FAM83E: variants seen among roughly 807,000 people sequenced by gnomAD.
The protein encoded by FAM83E is protein FAM83E.
Under a neutral mutation model 34.3 loss-of-function variants are expected in FAM83E, and 29 were observed. The observed-to-expected ratio is 0.85, with a 90% CI of 0.63 to 1.15. The LOEUF (loss-of-function observed/expected upper bound fraction) is 1.15, where lower values mean the gene tolerates loss of function less well. FAM83E is among the 50% of genes most tolerant of loss of function. The pLI is 0.00. For missense variants in FAM83E, 697 were observed against 685.0 expected (o/e 1.02, Z -0.20); for synonymous variants, 312 against 311.6 (o/e 1.00, Z -0.01).
In FAM83E at chr19:48,613,298, A is replaced by G. The variant is rs368654; in HGVS notation, c.75T>C (p.Phe25=). The stretch of plus-strand genomic sequence containing the variant: ...CCAGCCGCTGGCCCTCGGAATATAG[A>G]AAGCCGGGGCTGGCCCCGGGCACCC... ...GPRVPGASPG[F]LYSEGQRLAL... The change falls in exon 3 of 7, where the codon TTT becomes TTC. Residue 25 remains phenylalanine, a synonymous_variant. Transcript: ENST00000263266. The G allele has an allele frequency of 0.74, 1,183,688 of 1,605,888 alleles. 442,360 individuals are homozygous for G. The highest frequency in any genetic ancestry group is 1 in the East Asian group (44,711 of 44,754).
At chr19:48,601,426 C>T (rs1973813788) in intron 6 of FAM83E, 57 bp from the exon 7 acceptor site, 1 of 1,533,696 alleles carries the variant, frequency 6.5e-7, no homozygotes, top group Non-Finnish European at 8.8e-7. Flanking sequence ...CTGGGGGCAT[C>T]CCAGATCCAG....
At position 48,612,419 on chromosome 19, in the gene FAM83E, TA is replaced by T. The variant is rs200100881; in HGVS notation, c.465+488del. ...CCCCATTTCTTTCTTTTTTTTTTTT[TA>T]TTGAGATGGAGTCTCGCTCTGTCGC... On this transcript the variant is annotated intron_variant, in intron 3 of 6. Coordinates refer to ENST00000263266, the MANE Select transcript of FAM83E (RefSeq NM_017708.4). Among the ~76,000 whole-genome samples the T allele has an allele frequency of 4.8e-3, 710 of 148,792 alleles. 9 individuals are homozygous for T. Among genetic ancestry groups the T allele is most frequent in the Non-Finnish European group, 7.2e-3 (484 of 67,218 alleles).
In FAM83E at chr19:48,600,588, C is replaced by T. The variant is rs1283356265; in HGVS notation, c.*521G>A. Among the ~76,000 whole-genome samples the T allele has an allele frequency of 1.3e-5, 2 of 152,072 alleles. No individual in the cohort carries two copies. Among genetic ancestry groups the T allele is most frequent in the Non-Finnish European group, 2.9e-5 (2 of 68,020 alleles). ...ACCTCAGGTGATCCACATGCCTCAG[C>T]CTCCCAAAGTGCTGGGATTACAGGA... is the stretch of plus-strand genomic sequence containing the variant. On this transcript the variant is annotated 3_prime_UTR_variant, in exon 7 of 7. Coordinates refer to ENST00000263266, the MANE Select transcript of FAM83E (RefSeq NM_017708.4).
intron 5 of FAM83E, among the ~76,000 whole-genome samples, 178 bp downstream of exon 5, chr19:48,609,698 G>A (rs1974005521): frequency 6.6e-6 from 1 of 152,122 alleles, no homozygotes; most frequent in Non-Finnish European, 1.5e-5. Flanking sequence ...CCACTAAACA[G>A]GCCAGCACCA....
chr19:48,607,168 G>C, intron 5 of FAM83E: 1 of 1,613,020 alleles, frequency 6.2e-7, no homozygotes, highest in Non-Finnish European at 8.5e-7. Context: ...CATCAACAAA[G>C]GCTGCCTGCG....
chr19:48,604,950 G>A (rs1415468280), intron 5 of FAM83E, among the ~76,000 whole-genome samples: 4 of 149,800 alleles, frequency 2.7e-5, no homozygotes, highest in Non-Finnish European at 4.4e-5. Flanking sequence ...AACCCGGGAG[G>A]TGGAGGTTGC....
Position 48,603,813 on chromosome 19 carries a change from G to T in FAM83E, c.857C>A (p.Ala286Glu). 2 of 1,604,486 alleles carry T rather than the reference G, an allele frequency of 1.2e-6. No individual in the cohort carries two copies. The highest frequency in any genetic ancestry group is 1.3e-5 in the African/African-American group (1 of 74,090). The part of the protein sequence containing the change: ...AFSLEFRTLY[A>E]ASCPLPPAPP... ...CGCAGGTGGGAGCGGGCAGGAGGCC[G>T]CGTACAGCGTCCGGAACTCAAGGCT... The change falls in exon 6 of 7, where the codon GCG becomes GAG. Residue 286 changes from alanine to glutamate, a missense_variant. Ala to Glu is a moderately radical substitution (Grantham distance 107, BLOSUM62 -1). Transcript: ENST00000263266.
At chr19:48,609,005 A>G (rs1246749881) in intron 5 of FAM83E, among the ~76,000 whole-genome samples, 1 of 151,984 alleles carries the variant, frequency 6.6e-6, no homozygotes, top group Non-Finnish European at 1.5e-5. Flanking sequence ...TAAAACAAAG[A>G]CTTACCCAGC....
In FAM83E at chr19:48,610,398, CA is replaced by C. The variant is rs71179016; in HGVS notation, c.633+281del. ...TGGGCGACAAAGCAACACTCCGTCT[CA>C]AAAAAAAAAAAAAAAAAAAAAAAAA... On this transcript the variant is annotated intron_variant, in intron 4 of 6. Transcript: ENST00000263266. Among the ~76,000 whole-genome samples the C allele has an allele frequency of 4.4e-3, 138 of 31,354 alleles. 1 individual carries two copies. In the Middle Eastern group the frequency reaches 0.068, roughly 15 times the overall value. 20.6% of individuals were successfully genotyped at this position (31,354 alleles called of 152,430 possible).
At chr19:48,608,435 T>TC (rs1010928540) in intron 5 of FAM83E, among the ~76,000 whole-genome samples, 1 of 138,478 alleles carries the variant, frequency 7.2e-6, no homozygotes. Context: ...CTTTTTCTTT[T>TC]CCTTTTTTTT....
chr19:48,613,783 G>A lies in FAM83E; in HGVS notation c.-411C>T, dbSNP rs938284246. ...CAGCCTCCAACCCACCAGTCACACA[G>A]TGCCCAGTCAGACCCTTCAGCTGTC... On this transcript the variant is annotated 5_prime_UTR_variant, in exon 3 of 7. Coordinates refer to ENST00000263266, the MANE Select transcript of FAM83E (RefSeq NM_017708.4). 19 of 985,282 alleles carry A rather than the reference G, an allele frequency of 1.9e-5. No individual in the cohort carries two copies. The highest frequency in any genetic ancestry group is 2.2e-5 in the Non-Finnish European group (18 of 829,936). 61.0% of individuals were successfully genotyped at this position (985,282 alleles called of 1,614,324 possible).
intron 3 of FAM83E, among the ~76,000 whole-genome samples, chr19:48,611,068 C>G (rs1250079623): frequency 6.6e-6 from 1 of 152,146 alleles, no homozygotes; most frequent in Admixed American, 6.5e-5. Flanking sequence ...CATGAGATCC[C>G]CAGCCCCTCC....
chr19:48,613,929 C>G lies in FAM83E; in HGVS notation c.-557G>C. On this transcript the variant is annotated 5_prime_UTR_variant, in exon 3 of 7. Transcript: ENST00000263266. ...GCCTGCCTGCCCCCGGCCAAGAGCA[C>G]GACGAACTGACCCTCTCCTTCCACT... The G allele has an allele frequency of 1.0e-6, 1 of 985,200 alleles. No individual in the cohort carries two copies. The highest frequency in any genetic ancestry group is 1.2e-6 in the Non-Finnish European group (1 of 829,886). 61.0% of individuals were successfully genotyped at this position (985,200 alleles called of 1,614,324 possible).
chr19:48,613,426 T>C lies in FAM83E; in HGVS notation c.-54A>G, dbSNP rs1974088620. 6.8e-7 allele frequency: 1 copy of C among 1,462,436 alleles called. No individual in the cohort carries two copies. Among genetic ancestry groups the C allele is most frequent in the South Asian group, 1.4e-5 (1 of 72,358 alleles). 90.6% of individuals were successfully genotyped at this position (1,462,436 alleles called of 1,614,324 possible). On this transcript the variant is annotated 5_prime_UTR_variant, in exon 3 of 7. Coordinates refer to ENST00000263266, the MANE Select transcript of FAM83E (RefSeq NM_017708.4). ...GTGAGAGGCTGGGTCCCCGGGGGTC[T>C]GGCTGTCTCTGGGGACTGTGATCAT...
intron 5 of FAM83E, chr19:48,607,035 C>T (rs775557199): frequency 6.2e-6 from 10 of 1,611,972 alleles, no homozygotes; most frequent in South Asian, 5.5e-5. Context: ...GCACGACGGG[C>T]GTCAAGGACT....
intron 6 of FAM83E, among the ~76,000 whole-genome samples, chr19:48,601,597 T>C (rs1035824930): frequency 6.6e-6 from 1 of 151,462 alleles, no homozygotes; most frequent in African/African-American, 2.4e-5. Context: ...AAACCCTATC[T>C]CTACTAAAAA....
Position 48,603,558 on chromosome 19 carries a change from CT to C in FAM83E, c.1111del (p.Ser371AlafsTer7). Reference sequence around the variant, plus strand: ...GCGGCTTAGGTCCCACATGGAGCGGCTGGGCCGGGCCGGGGGGCCGCTGGGG... The same window carrying C: ...GCGGCTTAGGTCCCACATGGAGCGGCGGGCCGGGCCGGGGGGCCGCTGGGG... ...RTPSGPPARP[S>X]RSMWDLSRLS... On this transcript the variant is annotated frameshift_variant, in exon 6 of 7. Transcript: ENST00000263266. LOFTEE classifies it high-confidence loss of function. 6.4e-7 allele frequency: 1 copy of C among 1,562,982 alleles called. No homozygotes were observed. The highest frequency in any genetic ancestry group is 8.6e-7 in the Non-Finnish European group (1 of 1,162,930).
At chr19:48,605,019 C>CAAAAAAAAAA (rs72014229) in intron 5 of FAM83E, among the ~76,000 whole-genome samples, 1 of 75,702 alleles carries the variant, frequency 1.3e-5, no homozygotes, top group Non-Finnish European at 2.9e-5. Flanking sequence ...GACTCTGACT[C>CAAAAAAAAAA]AAAAAAAAAA....
At position 48,603,844 on chromosome 19, in the gene FAM83E, C is replaced by T. The variant is rs756248260; in HGVS notation, c.826G>A (p.Ala276Thr). 12 of 1,609,334 alleles carry T rather than the reference C, an allele frequency of 7.5e-6. No individual in the cohort carries two copies. The East Asian group carries it at 1.6e-4, about 21-fold the overall frequency. The part of the protein sequence containing the change: ...VTLLTGEIVD[A>T]FSLEFRTLYA... The stretch of plus-strand genomic sequence containing the variant: ...AGCGTCCGGAACTCAAGGCTGAAGG[C>T]GTCAACAATTTCACCAGTCAGCAGG... The change falls in exon 6 of 7, where the codon GCC becomes ACC. Residue 276 changes from alanine (A) to threonine (T), a missense_variant. Coordinates refer to ENST00000263266, the MANE Select transcript of FAM83E (RefSeq NM_017708.4).
Sources: gnomAD v4.1 joint callset for allele counts (sites outside exome capture counted in the v4.1 genomes callset) on GRCh38, gnomAD v4.1.1 for gene constraint, MANE v1.5 for transcripts, NCBI Gene and HGNC (gene_info 2026-07-23, HGNC 2026-07-21) for gene names.